NTNG1: variants seen among roughly 807,000 people sequenced by gnomAD.
NTNG1 encodes netrin-G1.
NTNG1 carries 16 observed loss-of-function variants against 54.0 expected under a neutral mutation model. That is an observed-to-expected ratio of 0.30 (90% CI 0.20 to 0.45). The LOEUF is 0.45. Among genes scored for constraint, NTNG1 ranks in the 20% least tolerant of loss-of-function variants. The pLI, the probability that NTNG1 is intolerant of heterozygous loss-of-function variation, is 1.00. For missense variants in NTNG1, 530 were observed against 678.7 expected, an observed-to-expected ratio of 0.78 and a Z score of 2.43; for synonymous variants, 255 against 263.1, an observed-to-expected ratio of 0.97 and a Z score of 0.30.
chr1:107,360,323 G>C (rs965982853), intron 3 of NTNG1, among the ~76,000 whole-genome samples: 3 of 152,198 alleles, frequency 2.0e-5, no homozygotes, highest in Middle Eastern at 3.4e-3. Flanking sequence ...TGAGAGGTCA[G>C]AATATCAGAA....
chr1:107,225,945 C>A (rs1398919151), intron 2 of NTNG1, among the ~76,000 whole-genome samples: 1 of 152,102 alleles, frequency 6.6e-6, no homozygotes, highest in Non-Finnish European at 1.5e-5. Flanking sequence ...GTTCTATGTG[C>A]CCAGTACTGT....
At chr1:107,377,835 T>C (rs963587056) in intron 3 of NTNG1, among the ~76,000 whole-genome samples, 1 of 152,194 alleles carries the variant, frequency 6.6e-6, no homozygotes, top group Non-Finnish European at 1.5e-5. Context: ...ACCAGAAAGC[T>C]TACCATCTCA....
At chr1:107,183,828 C>T (rs1210231859) in intron 2 of NTNG1, among the ~76,000 whole-genome samples, 4 of 152,064 alleles carry the variant, frequency 2.6e-5, no homozygotes. Flanking sequence ...CCCCTTCCCC[C>T]AAAACTGATT....
intron 2 of NTNG1, among the ~76,000 whole-genome samples, chr1:107,205,576 T>C (rs1451335078): frequency 6.6e-6 from 1 of 152,142 alleles, no homozygotes; most frequent in Non-Finnish European, 1.5e-5. Flanking sequence ...CCACAAATCC[T>C]GAATATTTTC....
chr1:107,372,409 G>A (rs1206850029), intron 3 of NTNG1, among the ~76,000 whole-genome samples: 5 of 152,016 alleles, frequency 3.3e-5, no homozygotes, highest in Non-Finnish European at 4.4e-5. Flanking sequence ...GAAACTTTTT[G>A]AGATTTAATT....
At position 107,324,140 on chromosome 1, in the gene NTNG1, A is replaced by G. The variant is rs1263220366; in HGVS notation, c.247-142A>G. 4 of 715,410 alleles carry G rather than the reference A, an allele frequency of 5.6e-6. No homozygotes were observed. In the East Asian group the frequency reaches 7.4e-5, roughly 13 times the overall value. The allele number at this position is 715,410 out of a possible 1,614,324, so 44.3% of individuals were successfully genotyped here. A position where few individuals can be genotyped will look rare whatever the true frequency, so the allele number is the denominator to read the frequency against. On this transcript the variant is annotated intron_variant, in intron 2 of 7. Transcript: ENST00000370068. ...TTTTTTAAAAGCTATTAAAGAGGAG[A>G]ATCCAGTTAGGGCAAATAAAAATGA...
At chr1:107,361,240 AATT>A (rs1218933432) in intron 3 of NTNG1, among the ~76,000 whole-genome samples, 4 of 140,100 alleles carry the variant, frequency 2.9e-5, no homozygotes, top group South Asian at 2.2e-4. Context: ...TAAACATATA[AATT>A]ATTATATAAA....
intron 2 of NTNG1, among the ~76,000 whole-genome samples, chr1:107,202,432 T>C (rs932651527): frequency 1.3e-5 from 2 of 151,958 alleles, no homozygotes; most frequent in African/African-American, 2.4e-5. Context: ...AGCTATGTGA[T>C]AGCACTGTGT....
intron 2 of NTNG1, among the ~76,000 whole-genome samples, chr1:107,280,232 T>C (rs1664755470): frequency 6.6e-6 from 1 of 151,440 alleles, no homozygotes; most frequent in Non-Finnish European, 1.5e-5. Context: ...TTTACTTCTT[T>C]AGCTGTGGAA....
rs17530804 is a variant in NTNG1, at chr1:107,418,574, G to A, written c.1087+10866G>A. Reference sequence around the variant, plus strand: ...AACATACCCTGATTTTTCCTGATGCGTGCAGATCCTCCAAAGTTTAATAGG... The same window carrying A: ...AACATACCCTGATTTTTCCTGATGCATGCAGATCCTCCAAAGTTTAATAGG... On this transcript the variant is annotated intron_variant, in intron 5 of 7. Transcript: ENST00000370068. 99,333 of 1,589,884 alleles carry A rather than the reference G, an allele frequency of 0.062. 3,569 individuals carry two copies. The highest frequency in any genetic ancestry group is 0.072 in the Non-Finnish European group (83,498 of 1,165,686).
chr1:107,294,175 A>G (rs895950337), intron 2 of NTNG1, among the ~76,000 whole-genome samples: 3 of 152,160 alleles, frequency 2.0e-5, no homozygotes, highest in African/African-American at 7.2e-5. Flanking sequence ...CCAACCAACA[A>G]TGGAGCCTGA....
intron 2 of NTNG1, among the ~76,000 whole-genome samples, chr1:107,185,362 G>A (rs144771618): frequency 2.0e-5 from 3 of 152,036 alleles, no homozygotes; most frequent in African/African-American, 7.2e-5. Context: ...GTGGTTGCTG[G>A]CGACCCCTGG....
intron 5 of NTNG1, among the ~76,000 whole-genome samples, chr1:107,420,013 C>G (rs1674478431): frequency 6.6e-6 from 1 of 151,972 alleles, no homozygotes; most frequent in Non-Finnish European, 1.5e-5. Context: ...TATTCCTTGG[C>G]AAGTTCAATG....
intron 3 of NTNG1, among the ~76,000 whole-genome samples, chr1:107,378,799 G>T (rs1671466671): frequency 6.6e-6 from 1 of 152,120 alleles, no homozygotes; most frequent in Non-Finnish European, 1.5e-5. Context: ...CAGTCTGGCG[G>T]GTTGTGGGGC....
chr1:107,197,228 A>C (rs1432982527), intron 2 of NTNG1, among the ~76,000 whole-genome samples: 1 of 151,980 alleles, frequency 6.6e-6, no homozygotes, highest in East Asian at 1.9e-4. Context: ...TTAGTTCTGC[A>C]GCCTTAGTTA....
rs778929883 is a variant in NTNG1 at position 107,368,424 on chromosome 1, A to T, written c.888-26730A>T. 2.0e-5 allele frequency among the ~76,000 whole-genome samples: 3 copies of T among 152,058 alleles called. 1 individual carries two copies. The South Asian group carries it at 6.2e-4, about 31-fold the overall frequency. ...TGTGGTAAGCACTGTTGCTTTCCTCATTTTACAGATAGGGAAACTGAGAAG... is the reference window on the plus strand; with the variant it reads ...TGTGGTAAGCACTGTTGCTTTCCTCTTTTTACAGATAGGGAAACTGAGAAG... On this transcript the variant is annotated intron_variant, in intron 3 of 7. Transcript: ENST00000370068.
chr1:107,393,276 T>C (rs1443264983), intron 3 of NTNG1, among the ~76,000 whole-genome samples: 1 of 152,182 alleles, frequency 6.6e-6, no homozygotes, highest in Non-Finnish European at 1.5e-5. Flanking sequence ...TGGTGCTAAA[T>C]CAGTATAAGC....
At chr1:107,208,245 C>T (rs1323252466) in intron 2 of NTNG1, among the ~76,000 whole-genome samples, 3 of 151,980 alleles carry the variant, frequency 2.0e-5, no homozygotes, top group African/African-American at 7.3e-5. Context: ...GCCTGACCAA[C>T]ATGGAGAAAC....
intron 3 of NTNG1, chr1:107,333,968 A>T (rs1464226897): frequency 2.0e-5 from 3 of 151,860 alleles, no homozygotes; most frequent in African/African-American, 7.3e-5. Context: ...ATTGTGATGG[A>T]AGAGTCAGCA....
Sources: allele counts gnomAD v4.1 joint callset (sites outside exome capture counted in the v4.1 genomes callset), GRCh38; gene constraint gnomAD v4.1.1; transcripts MANE v1.5; gene names NCBI Gene and HGNC (gene_info 2026-07-23, HGNC 2026-07-21).